VPS41: variants seen among roughly 807,000 people sequenced by gnomAD.
The protein encoded by VPS41 is vacuolar protein sorting-associated protein 41 homolog.
VPS41 carries 85 observed loss-of-function variants against 130.9 expected under a neutral mutation model. That is an observed-to-expected ratio of 0.65 (90% CI 0.55 to 0.78). The LOEUF is 0.78. Among genes scored for constraint, VPS41 ranks in the 30% least tolerant of loss-of-function variants. The pLI is 0.00. For synonymous variants in VPS41, 335 were observed against 332.9 expected (o/e 1.01, Z -0.07); for missense variants, 874 against 1,018.7 (o/e 0.86, Z 1.93).
intron 1 of VPS41, among the ~76,000 whole-genome samples, chr7:38,902,348 C>T (rs909901720): frequency 1.3e-5 from 2 of 152,164 alleles, no homozygotes; most frequent in Non-Finnish European, 2.9e-5. Context: ...AACCTGTGAC[C>T]CTCCAGCCAC....
At chr7:38,777,032 A>G (rs1204270789) in intron 10 of VPS41, among the ~76,000 whole-genome samples, 1 of 152,216 alleles carries the variant, frequency 6.6e-6, no homozygotes, top group East Asian at 1.9e-4. Flanking sequence ...TAGCAGCATG[A>G]ATGGTCAAGG....
chr7:38,766,589 T>C (rs935864585), intron 15 of VPS41, among the ~76,000 whole-genome samples: 2 of 152,194 alleles, frequency 1.3e-5, no homozygotes, highest in Non-Finnish European at 2.9e-5. Context: ...TGATAGGGTT[T>C]GGCCGTGTCC....
intron 2 of VPS41, among the ~76,000 whole-genome samples, chr7:38,883,465 GAACA>G: frequency 6.6e-6 from 1 of 152,180 alleles, no homozygotes; most frequent in Middle Eastern, 3.4e-3. Context: ...AATGTCACCT[GAACA>G]GACAGGCCTT....
intron 2 of VPS41, among the ~76,000 whole-genome samples, chr7:38,897,863 T>C (rs1409563722): frequency 6.6e-5 from 10 of 152,210 alleles, no homozygotes. Flanking sequence ...CAAGTTAAAA[T>C]ATTGTTTCAG....
intron 12 of VPS41, among the ~76,000 whole-genome samples, chr7:38,773,477 T>C (rs59245872): frequency 0.049 from 7,468 of 152,236 alleles, 621 homozygotes; most frequent in African/African-American, 0.17. Context: ...TCTCAACAAA[T>C]GTCAATTGTG....
chr7:38,797,078 G>T, intron 7 of VPS41: 1 of 510,616 alleles, frequency 2.0e-6, no homozygotes, highest in South Asian at 2.9e-5. Context: ...ATGGATGAGT[G>T]TTGAAGTTAC....
At chr7:38,811,267 T>C (rs1784937837) in intron 7 of VPS41, among the ~76,000 whole-genome samples, 2 of 151,980 alleles carry the variant, frequency 1.3e-5, no homozygotes, top group Non-Finnish European at 2.9e-5. Flanking sequence ...CCACACAACA[T>C]GTAGAAAAAG....
intron 5 of VPS41, among the ~76,000 whole-genome samples, chr7:38,827,477 T>C (rs977606547): frequency 2.0e-5 from 3 of 152,118 alleles, no homozygotes; most frequent in African/African-American, 7.2e-5. Context: ...GGTACAATAA[T>C]GGGAGACAGG....
At chr7:38,846,890 G>T (rs1045731318) in intron 4 of VPS41, among the ~76,000 whole-genome samples, 1 of 152,176 alleles carries the variant, frequency 6.6e-6, no homozygotes, top group Admixed American at 6.5e-5. Flanking sequence ...AAAACACTGA[G>T]GGTAGAAGAG....
intron 4 of VPS41, among the ~76,000 whole-genome samples, chr7:38,861,365 C>T (rs1456045658): frequency 6.6e-6 from 1 of 152,158 alleles, no homozygotes; most frequent in African/African-American, 2.4e-5. Flanking sequence ...GGCCCAGTAC[C>T]AGGTACACAT....
At chr7:38,904,892 T>C (rs1787224859) in intron 1 of VPS41, among the ~76,000 whole-genome samples, 1 of 152,186 alleles carries the variant, frequency 6.6e-6, no homozygotes, top group South Asian at 2.1e-4. Context: ...GGAAATACTT[T>C]AATGGACCAG....
chr7:38,802,208 G>A (rs1038590148), intron 7 of VPS41, among the ~76,000 whole-genome samples: 2 of 152,136 alleles, frequency 1.3e-5, no homozygotes, highest in East Asian at 1.9e-4. Context: ...CTGGCCACAC[G>A]TTTGGCCTGA....
At chr7:38,821,979 T>C (rs1785181304) in intron 5 of VPS41, among the ~76,000 whole-genome samples, 1 of 152,092 alleles carries the variant, frequency 6.6e-6, no homozygotes, top group Non-Finnish European at 1.5e-5. Flanking sequence ...GTGTCTCTCA[T>C]ATATATAAAA....
intron 3 of VPS41, among the ~76,000 whole-genome samples, chr7:38,868,247 T>C (rs1376329791): frequency 6.6e-6 from 1 of 152,210 alleles, no homozygotes; most frequent in Admixed American, 6.5e-5. Flanking sequence ...AAGGGGTCGA[T>C]GGCATTGCAG....
At chr7:38,907,088 A>C (rs1787285142) in intron 1 of VPS41, among the ~76,000 whole-genome samples, 1 of 152,314 alleles carries the variant, frequency 6.6e-6, no homozygotes, top group Admixed American at 6.5e-5. Flanking sequence ...GAAAAAAAAA[A>C]AAACAAATTT....
At chr7:38,757,076 C>T (rs1220992689) in intron 18 of VPS41, 94 bp from the exon 19 acceptor site, 5 of 1,020,786 alleles carry the variant, frequency 4.9e-6, no homozygotes, top group Non-Finnish European at 7.3e-6. Context: ...AAAATGGAAA[C>T]ACTCCTTTAG....
chr7:38,758,503 A>C (rs952800478), intron 17 of VPS41, 22 bp from the exon 18 acceptor site: 1 of 1,598,794 alleles, frequency 6.3e-7, no homozygotes, highest in Admixed American at 1.8e-5. Context: ...TGAAAAACAG[A>C]AAAAGAACAC....
chr7:38,909,131 C>T, intron 1 of VPS41, 23 bp downstream of exon 1: 3 of 1,614,178 alleles, frequency 1.9e-6, no homozygotes, highest in Non-Finnish European at 2.5e-6. Context: ...CCTGTGCCCT[C>T]AACTACCACC....
At chr7:38,775,114 A>G (rs1038365121) in intron 11 of VPS41, 3 of 152,200 alleles carry the variant, frequency 2.0e-5, no homozygotes, top group Admixed American at 1.3e-4. Flanking sequence ...ATACTGAATG[A>G]TATAAAACAA....
Sources: allele counts gnomAD v4.1 joint callset (sites outside exome capture counted in the v4.1 genomes callset), GRCh38; gene constraint gnomAD v4.1.1; transcripts MANE v1.5; gene names NCBI Gene and HGNC (gene_info 2026-07-23, HGNC 2026-07-21).